NT5C1A: variants seen among roughly 807,000 people sequenced by gnomAD.
The protein encoded by NT5C1A is 5'-nucleotidase, cytosolic IA.
In NT5C1A, 18 loss-of-function variants were observed where a neutral mutation model predicts 31.0. That is an observed-to-expected ratio of 0.58 (90% CI 0.40 to 0.86). NT5C1A has a LOEUF of 0.86. Among genes scored for constraint, NT5C1A ranks in the 40% least tolerant of loss-of-function variants. The pLI, the probability that NT5C1A is intolerant of heterozygous loss-of-function variation, is 0.00. For missense variants in NT5C1A, 470 were observed against 505.4 expected (o/e 0.93, Z 0.67); for synonymous variants, 185 against 203.6 (o/e 0.91, Z 0.78).
In NT5C1A at chr1:39,659,356, C is replaced by T. The variant is rs948799282; in HGVS notation, c.872G>A (p.Arg291Gln). ...TARSAASSGA[R>Q]ALKTLRSWGL... ...CCAGCTGCGCAGGGTCTTGAGAGCCCGGGCCCCGGAACTGGCTGCACTGCG... is the reference window on the plus strand; with the variant it reads ...CCAGCTGCGCAGGGTCTTGAGAGCCTGGGCCCCGGAACTGGCTGCACTGCG... The change falls in exon 6 of 6, where the codon CGG (arginine) becomes CAG (glutamine). Residue 291 changes from arginine to glutamine, a missense_variant. Physicochemically the swap from Arg to Gln is conservative, Grantham distance 43. Transcript: ENST00000235628. 15 of 1,613,752 alleles carry T rather than the reference C, an allele frequency of 9.3e-6. No individual in the cohort carries two copies. The highest frequency in any genetic ancestry group is 2.2e-5 in the East Asian group (1 of 44,902).
At chr1:39,670,514 G>T (rs558581034) in intron 1 of NT5C1A, among the ~76,000 whole-genome samples, 1 of 152,274 alleles carries the variant, frequency 6.6e-6, no homozygotes, top group Non-Finnish European at 1.5e-5. Context: ...TTAAAACATA[G>T]TCCGAAGAAG....
chr1:39,659,527 C>T, intron 5 of NT5C1A, 41 bp from the exon 6 acceptor site: 1 of 1,517,484 alleles, frequency 6.6e-7, no homozygotes, highest in Non-Finnish European at 8.8e-7. Flanking sequence ...TCTACCACCT[C>T]CTAAATATTT....
intron 1 of NT5C1A, among the ~76,000 whole-genome samples, chr1:39,669,467 T>C (rs1341722130): frequency 1.3e-5 from 2 of 152,176 alleles, no homozygotes; most frequent in Non-Finnish European, 2.9e-5. Context: ...TTAAATATTT[T>C]ACTCAGGCCC....
intron 5 of NT5C1A, among the ~76,000 whole-genome samples, chr1:39,660,207 T>C (rs1321158589): frequency 6.6e-6 from 1 of 152,162 alleles, no homozygotes; most frequent in Non-Finnish European, 1.5e-5. Context: ...CTGCCCTGGA[T>C]TCCCAAGGAT....
chr1:39,671,034 G>A (rs183882280), intron 1 of NT5C1A, among the ~76,000 whole-genome samples: 1 of 152,314 alleles, frequency 6.6e-6, no homozygotes, highest in East Asian at 1.9e-4. Flanking sequence ...TTGGGGAAGG[G>A]TTCTTGGAGG....
chr1:39,660,826 T>C (rs1037362178), intron 5 of NT5C1A, among the ~76,000 whole-genome samples: 1 of 151,880 alleles, frequency 6.6e-6, no homozygotes, highest in African/African-American at 2.4e-5. Context: ...GGGGATGGGC[T>C]TAGAGAGAGG....
chr1:39,664,490 C>CCTCCTCCTCTCCT (rs1553485420), intron 3 of NT5C1A, among the ~76,000 whole-genome samples: 1 of 2,898 alleles, frequency 3.5e-4, no homozygotes, highest in Non-Finnish European at 6.1e-4. Context: ...GTGGATTTCT[C>CCTCCTCCTCTCCT]CTCCTCTCCT....
At chr1:39,671,226 G>A (rs35574502) in intron 1 of NT5C1A, among the ~76,000 whole-genome samples, 1 of 152,224 alleles carries the variant, frequency 6.6e-6, no homozygotes. Flanking sequence ...TCCTCTGTGA[G>A]GTCCCAGACG....
In NT5C1A at chr1:39,666,050, G is replaced by A. The variant is rs1646520028; in HGVS notation, c.303+19C>T. 1 of 1,607,544 alleles carries A rather than the reference G, an allele frequency of 6.2e-7. No homozygotes were observed. The highest frequency in any genetic ancestry group is 8.5e-7 in the Non-Finnish European group (1 of 1,176,684). ...CCACGAAGGCGCTATATGAGCTAGT[G>A]GTGGAACTGCTCCCTCACCTTCACA... On this transcript the variant is annotated intron_variant, in intron 2 of 5. Transcript: ENST00000235628.
At chr1:39,669,519 C>T (rs942578104) in intron 1 of NT5C1A, among the ~76,000 whole-genome samples, 5 of 152,130 alleles carry the variant, frequency 3.3e-5, no homozygotes, top group African/African-American at 1.2e-4. Context: ...TGATGGGGCC[C>T]ATGAGGCCTA....
rs1557743912 is a variant in NT5C1A at position 39,658,443 on chromosome 1, C to T, written c.*678G>A. ...GAGGGGACACATGGGGGCTGAAATC[C>T]AGCCTCTATCCTGCTAACTAAGCTG... On this transcript the variant is annotated 3_prime_UTR_variant, in exon 6 of 6. Transcript: ENST00000235628. Among the ~76,000 whole-genome samples the T allele has an allele frequency of 6.6e-6, 1 of 152,182 alleles. No individual in the cohort carries two copies. The highest frequency in any genetic ancestry group is 1.5e-5 in the Non-Finnish European group (1 of 68,042).
rs1169278917 is a variant in NT5C1A, at chr1:39,658,678, G to A, written c.*443C>T. Among the ~76,000 whole-genome samples, 1 of 152,166 alleles carries A rather than the reference G, an allele frequency of 6.6e-6. No individual in the cohort carries two copies. Among genetic ancestry groups the A allele is most frequent in the Non-Finnish European group, 1.5e-5 (1 of 68,030 alleles). ...GCTTGAAAACTGCCCAAAAGATGGG[G>A]AAACTGGGGGCCATGAAGGGGAGGG... is the stretch of plus-strand genomic sequence containing the variant. On this transcript the variant is annotated 3_prime_UTR_variant, in exon 6 of 6. Coordinates refer to ENST00000235628, the MANE Select transcript of NT5C1A (RefSeq NM_032526.3).
intron 3 of NT5C1A, among the ~76,000 whole-genome samples, chr1:39,664,566 C>G (rs1275635162): frequency 8.1e-6 from 1 of 123,980 alleles, no homozygotes; most frequent in East Asian, 2.3e-4. Flanking sequence ...GATCTCGGCT[C>G]ATTGCAACCT....
chr1:39,660,110 C>T (rs190426544), intron 5 of NT5C1A, among the ~76,000 whole-genome samples: 295 of 152,328 alleles, frequency 1.9e-3, no homozygotes, highest in African/African-American at 5.9e-3. Context: ...GTGGGCTCCT[C>T]GTCTTGGAGA....
At chr1:39,659,559 A>C (rs994718710) in intron 5 of NT5C1A, 73 bp from the exon 6 acceptor site, 1 of 1,497,862 alleles carries the variant, frequency 6.7e-7, no homozygotes. Context: ...TCCCTAAAGC[A>C]CTAGTGTCTT....
In NT5C1A at chr1:39,656,735, C is replaced by CCATG. The variant is rs1334110702; in HGVS notation, c.*2382_*2385dup. On this transcript the variant is annotated 3_prime_UTR_variant, in exon 6 of 6. Coordinates refer to ENST00000235628, the MANE Select transcript of NT5C1A (RefSeq NM_032526.3). ...TCCACCCTGGTCAGTCAGCCTGTTG[C>CCATG]CATGCTGTGAGCCTGGGCTGTGCCC... 1.3e-5 allele frequency among the ~76,000 whole-genome samples: 2 copies of CCATG among 152,270 alleles called. No individual in the cohort carries two copies. Among genetic ancestry groups the CCATG allele is most frequent in the Non-Finnish European group, 2.9e-5 (2 of 68,048 alleles).
At position 39,659,355 on chromosome 1, in the gene NT5C1A, C is replaced by T; in HGVS notation, c.873G>A (p.Arg291=). 3 of 1,613,898 alleles carry T rather than the reference C, an allele frequency of 1.9e-6. No homozygotes were observed. The highest frequency in any genetic ancestry group is 2.2e-5 in the South Asian group (2 of 91,092). Residue 291 remains arginine, a synonymous_variant, in exon 6 of 6, where the codon CGG becomes CGA. Coordinates refer to ENST00000235628, the MANE Select transcript of NT5C1A (RefSeq NM_032526.3). ...CCCAGCTGCGCAGGGTCTTGAGAGC[C>T]CGGGCCCCGGAACTGGCTGCACTGC... ...TARSAASSGA[R]ALKTLRSWGL...
rs116295219 is a variant in NT5C1A at position 39,654,708 on chromosome 1, G to A, written c.*4413C>T. Among the ~76,000 whole-genome samples, 144 of 152,364 alleles carry A rather than the reference G, an allele frequency of 9.5e-4. No individual in the cohort carries two copies. Among genetic ancestry groups the A allele is most frequent in the African/African-American group, 3.2e-3 (135 of 41,590 alleles). On this transcript the variant is annotated 3_prime_UTR_variant, in exon 6 of 6. Transcript: ENST00000235628. ...TCCCTTCCCTTTGGCAGTGGAGCCA[G>A]CCTCCGCCCACAGATGCATAGGTGG...
In NT5C1A at chr1:39,653,875, T is replaced by C. The variant is rs1412086980; in HGVS notation, c.*5246A>G. On this transcript the variant is annotated 3_prime_UTR_variant, in exon 6 of 6. Coordinates refer to ENST00000235628, the MANE Select transcript of NT5C1A (RefSeq NM_032526.3). ...AGAGTTGCATCATATCCTCAGAGGATGAACATTCTGGGCCTTGCATGCCTC... is the reference window on the plus strand; with the variant it reads ...AGAGTTGCATCATATCCTCAGAGGACGAACATTCTGGGCCTTGCATGCCTC... 1.3e-5 allele frequency among the ~76,000 whole-genome samples: 2 copies of C among 152,226 alleles called. No individual in the cohort carries two copies. Among genetic ancestry groups the C allele is most frequent in the Admixed American group, 1.3e-4 (2 of 15,282 alleles).
Sources: allele counts gnomAD v4.1 joint callset (sites outside exome capture counted in the v4.1 genomes callset), GRCh38; gene constraint gnomAD v4.1.1; transcripts MANE v1.5; gene names NCBI Gene and HGNC (gene_info 2026-07-23, HGNC 2026-07-21).